The following KCNQ2 variants were observed in gnomAD, a reference collection of about 807,000 sequenced individuals.
KCNQ2 encodes the protein potassium voltage-gated channel subfamily KQT member 2.
Under a neutral mutation model 84.8 loss-of-function variants are expected in KCNQ2, and 14 were observed. That is an observed-to-expected ratio of 0.17 (90% CI 0.11 to 0.26). The LOEUF is 0.26. Ranked by LOEUF, KCNQ2 falls within the 10% of genes least tolerant of loss-of-function variation. The pLI is 1.00. For synonymous variants in KCNQ2, 599 were observed against 554.1 expected (o/e 1.08, Z -1.14); for missense variants, 788 against 1,254.0 (o/e 0.63, Z 5.61).
chr20:63,466,853 G>C (rs2082095266), intron 1 of KCNQ2, among the ~76,000 whole-genome samples: 1 of 152,226 alleles, frequency 6.6e-6, no homozygotes, highest in South Asian at 2.1e-4. Context: ...GAAGCACAGA[G>C]GGGAGCGGGG....
chr20:63,442,670 ACCACCACCACC>A (rs2081206215), intron 4 of KCNQ2, 139 bp from the exon 5 acceptor site: 1 of 614,698 alleles, frequency 1.6e-6, no homozygotes, highest in Non-Finnish European at 2.8e-6. Flanking sequence ...CATCACCACC[ACCACCACCACC>A]ACCATCACCA....
Position 63,405,297 on chromosome 20 carries a change from GC to G in KCNQ2, c.*1346del, listed in dbSNP as rs1470061069. On this transcript the variant is annotated 3_prime_UTR_variant, in exon 17 of 17. Coordinates refer to ENST00000359125, the MANE Select transcript of KCNQ2 (RefSeq NM_172107.4). ...CGCCTGCGACGCCGTCACGCCAAAT[GC>G]CAGATGCTCCCGGGGTCTGGTTCTT... is the stretch of plus-strand genomic sequence containing the variant. 6.6e-6 allele frequency: 1 copy of G among 152,308 alleles called. No homozygotes were observed. Among genetic ancestry groups the G allele is most frequent in the African/African-American group, 2.4e-5 (1 of 41,436 alleles). The allele number at this position is 152,308 out of a possible 1,614,324, so 9.4% of individuals were successfully genotyped here. A position where few individuals can be genotyped will look rare whatever the true frequency, so the allele number is the denominator to read the frequency against.
chr20:63,446,837 C>T lies in KCNQ2; in HGVS notation c.297G>A (p.Val99=). The T allele has an allele frequency of 1.2e-6, 2 of 1,613,382 alleles. No homozygotes were observed. ...RGWAFIYHAY[V]FLLVFSCLVL... is the part of the protein sequence containing the mutation. ...CGAGGCAGGAGAAAACCAGGAGGAA[C>T]CTGGGGGCAGGGAACGCGCGCTCTC... is the stretch of plus-strand genomic sequence containing the variant. Residue 99 remains valine, a splice_region_variant and synonymous_variant, in exon 2 of 17, where the codon GTG becomes GTA. Transcript: ENST00000359125. This position sits in a 1 kb window ranked among gnomAD's most constrained non-coding sequence, Gnocchi z 5.5.
intron 12 of KCNQ2, among the ~76,000 whole-genome samples, chr20:63,415,770 C>T (rs2080278678): frequency 6.6e-6 from 1 of 152,176 alleles, no homozygotes; most frequent in South Asian, 2.1e-4. Flanking sequence ...GGCTGTGGCT[C>T]TTCCTCGGGC....
Position 63,433,824 on chromosome 20 carries a change from G to A in KCNQ2, c.1103C>T (p.Thr368Ile). ...GCGGCGGTACCTGTACATGGGCACGGTGACCGTTCGCTCGTAGTACTGCCA... is the reference window on the plus strand; with the variant it reads ...GCGGCGGTACCTGTACATGGGCACGATGACCGTTCGCTCGTAGTACTGCCA... ...STWQYYERTV[T>I]VPMYSSQTQT... Residue 368 changes from threonine to isoleucine, a missense_variant, in exon 8 of 17, where the codon ACC becomes ATC. Thr to Ile is a moderately conservative substitution (Grantham distance 89). This residue lies in a region of KCNQ2 where 202 missense variants were observed against 239.4 expected (regional missense o/e 0.84). Coordinates refer to ENST00000359125, the MANE Select transcript of KCNQ2 (RefSeq NM_172107.4). 1 of 1,613,966 alleles carries A rather than the reference G, an allele frequency of 6.2e-7. No homozygotes were observed. Among genetic ancestry groups the A allele is most frequent in the South Asian group, 1.1e-5 (1 of 91,080 alleles).
At position 63,408,370 on chromosome 20, in the gene KCNQ2, A is replaced by G; in HGVS notation, c.1887+43T>C. 1.9e-6 allele frequency: 3 copies of G among 1,599,672 alleles called. No homozygotes were observed. Among genetic ancestry groups the G allele is most frequent in the Non-Finnish European group, 1.7e-6 (2 of 1,178,114 alleles). ...CTGCCACAGGTTGACGGCAGGCACCACAGCCCTCCAGCCCCGCACCCCTCC... is the reference window on the plus strand; with the variant it reads ...CTGCCACAGGTTGACGGCAGGCACCGCAGCCCTCCAGCCCCGCACCCCTCC... On this transcript the variant is annotated intron_variant, in intron 16 of 16. Coordinates refer to ENST00000359125, the MANE Select transcript of KCNQ2 (RefSeq NM_172107.4). The surrounding 1 kb of genome is among the most constrained non-coding windows in gnomAD (Gnocchi z 5.0).
Position 63,472,648 on chromosome 20 carries a change from C to A in KCNQ2, c.-185G>T. ...CGGCCACCTCGCTCCGCGCGCACCT[C>A]GGCGCCTGGCCCGCGGCCGCGCCGG... On this transcript the variant is annotated 5_prime_UTR_variant, in exon 1 of 17. Transcript: ENST00000359125. 4.5e-6 allele frequency: 1 copy of A among 224,376 alleles called. No individual in the cohort carries two copies. Among genetic ancestry groups the A allele is most frequent in the Non-Finnish European group, 7.1e-6 (1 of 140,860 alleles). The allele number at this position is 224,376 out of a possible 1,614,324, so 13.9% of individuals were successfully genotyped here.
chr20:63,443,427 T>G lies in KCNQ2; in HGVS notation c.691-896A>C, dbSNP rs201500132. On this transcript the variant is annotated intron_variant, in intron 4 of 16. Coordinates refer to ENST00000359125, the MANE Select transcript of KCNQ2 (RefSeq NM_172107.4). ...ACCACCATCACCATCACCACCATCA[T>G]CACCATCACCATCACCACCACCATC... Among the ~76,000 whole-genome samples, 67 of 11,050 alleles carry G rather than the reference T, an allele frequency of 6.1e-3. 2 individuals are homozygous for G. Among genetic ancestry groups the G allele is most frequent in the Non-Finnish European group, 2.0e-3 (10 of 4,924 alleles). 7.2% of individuals were successfully genotyped at this position (11,050 alleles called of 152,430 possible).
At chr20:63,433,472 G>A (rs936999217) in intron 8 of KCNQ2, 4 of 534,258 alleles carry the variant, frequency 7.5e-6, no homozygotes, top group African/African-American at 3.8e-5. Flanking sequence ...AGAGCAGCCC[G>A]GGGAGCAGCT....
At position 63,438,418 on chromosome 20, in the gene KCNQ2, A is replaced by C. The variant is rs1322245170; in HGVS notation, c.1023+207T>G. 1.7e-5 allele frequency: 11 copies of C among 631,142 alleles called. No homozygotes were observed. 39.1% of individuals were successfully genotyped at this position (631,142 alleles called of 1,614,324 possible). ...AGGGCCACCCCAGCGTCCTCACACG[A>C]GCCACCCCTGTGCAGCCTCAGGGGT... On this transcript the variant is annotated intron_variant, in intron 7 of 16. Coordinates refer to ENST00000359125, the MANE Select transcript of KCNQ2 (RefSeq NM_172107.4). This position sits in a 1 kb window ranked among gnomAD's most constrained non-coding sequence, Gnocchi z 5.1.
At chr20:63,445,086 C>T (rs1335829697) in intron 3 of KCNQ2, 152 bp downstream of exon 3, 24 of 1,123,998 alleles carry the variant, frequency 2.1e-5, no homozygotes, top group Middle Eastern at 4.0e-4. Flanking sequence ...CAGCCTCTGA[C>T]TCCAAGTCAG....
chr20:63,446,216 C>A lies in KCNQ2; in HGVS notation c.387+531G>T. The A allele has an allele frequency of 3.8e-6, 1 of 262,562 alleles. No homozygotes were observed. The highest frequency in any genetic ancestry group is 7.4e-6 in the Non-Finnish European group (1 of 134,232). The allele number at this position is 262,562 out of a possible 1,614,324, so 16.3% of individuals were successfully genotyped here. The stretch of plus-strand genomic sequence containing the variant: ...GTCTCCACCCAGACCTTGGGAAGCC[C>A]CAGAACAGAGGAGCAGGGCGGGCAG... On this transcript the variant is annotated intron_variant, in intron 2 of 16. Transcript: ENST00000359125. This position sits in a 1 kb window ranked among gnomAD's most constrained non-coding sequence, Gnocchi z 5.5.
chr20:63,458,562 GC>G (rs2081865866), intron 1 of KCNQ2, among the ~76,000 whole-genome samples: 1 of 152,168 alleles, frequency 6.6e-6, no homozygotes, highest in African/African-American at 2.4e-5. Flanking sequence ...TCCCCGGGCA[GC>G]CCCCAAGTCT....
chr20:63,417,679 G>A (rs1038124879), intron 12 of KCNQ2, among the ~76,000 whole-genome samples: 7 of 152,260 alleles, frequency 4.6e-5, no homozygotes, highest in African/African-American at 1.7e-4. Flanking sequence ...GGAAGGGTCA[G>A]GCCCCACAGT....
intron 1 of KCNQ2, among the ~76,000 whole-genome samples, chr20:63,468,201 T>C (rs1212290515): frequency 6.6e-6 from 1 of 152,238 alleles, no homozygotes; most frequent in Non-Finnish European, 1.5e-5. Flanking sequence ...CCGAGGCTTC[T>C]TCACCTTTTG....
Position 63,406,429 on chromosome 20 carries a change from C to G in KCNQ2, c.*215G>C. ...ACGCTGCTCCTGGAGCCACAGGGCC[C>G]TGCCCAGCCCTCCAGCCCCTGTTGG... On this transcript the variant is annotated 3_prime_UTR_variant, in exon 17 of 17. Coordinates refer to ENST00000359125, the MANE Select transcript of KCNQ2 (RefSeq NM_172107.4). 1.6e-6 allele frequency: 1 copy of G among 630,852 alleles called. No homozygotes were observed. The highest frequency in any genetic ancestry group is 2.7e-6 in the Non-Finnish European group (1 of 372,402). 39.1% of individuals were successfully genotyped at this position (630,852 alleles called of 1,614,324 possible).
rs948030300 is a variant in KCNQ2, at chr20:63,411,314, C to T, written c.1763+2136G>A. 3.9e-5 allele frequency among the ~76,000 whole-genome samples: 6 copies of T among 152,296 alleles called. No individual in the cohort carries two copies. The South Asian group carries it at 6.2e-4, about 16-fold the overall frequency. ...CCAGGGCCCAGGTCTGGGCCGTGCA[C>T]GTGGCCAGGCCCACCCCCACAGTGG... On this transcript the variant is annotated intron_variant, in intron 15 of 16. Transcript: ENST00000359125.
In KCNQ2 at chr20:63,415,085, CG is replaced by C. The variant is rs2145557228; in HGVS notation, c.1342del (p.Arg448GlufsTer16). The stretch of plus-strand genomic sequence containing the variant: ...CCCCTTCCCCTTGGCAGCCACGCCT[CG>C]GGGGCTGGAGAAGACACGATCTTTC... The part of the protein sequence containing the change: ...SLKDRVFSSP[R>X]GVAAKGKGSP... On this transcript the variant is annotated frameshift_variant, in exon 13 of 17. Coordinates refer to ENST00000359125, the MANE Select transcript of KCNQ2 (RefSeq NM_172107.4). LOFTEE classifies it high-confidence loss of function. The C allele has an allele frequency of 6.2e-7, 1 of 1,604,592 alleles. No homozygotes were observed.
intron 15 of KCNQ2, chr20:63,412,289 AG>A: frequency 5.7e-6 from 1 of 174,288 alleles, no homozygotes. Context: ...CCAGAGAGAG[AG>A]GGAAGGAAAG....
Sources: gnomAD v4.1 joint callset for allele counts (sites outside exome capture counted in the v4.1 genomes callset) on GRCh38, gnomAD v4.1.1 for gene constraint, gnomAD v4.1.1 regional missense constraint, Gnocchi (gnomAD v3.1) non-coding constraint, MANE v1.5 for transcripts, NCBI Gene and HGNC (gene_info 2026-07-23, HGNC 2026-07-21) for gene names.